Variants in MFAP1 observed in about 807,000 individuals in gnomAD.
MFAP1 encodes microfibrillar-associated protein 1.
MFAP1 carries 18 observed loss-of-function variants against 62.2 expected under a neutral mutation model. The observed-to-expected ratio is 0.29, with a 90% CI of 0.20 to 0.43. MFAP1 has a LOEUF of 0.43. Among genes scored for constraint, MFAP1 ranks in the 20% least tolerant of loss-of-function variants. The pLI is 1.00. For synonymous variants in MFAP1, 175 were observed against 180.4 expected, an observed-to-expected ratio of 0.97 and a Z score of 0.24; for missense variants, 355 against 559.7, an observed-to-expected ratio of 0.63 and a Z score of 3.69.
chr15:43,804,576 T>C lies in MFAP1; in HGVS notation c.*518A>G, dbSNP rs943108932. 18 of 152,300 alleles carry C rather than the reference T, an allele frequency of 1.2e-4. No homozygotes were observed. The highest frequency in any genetic ancestry group is 4.1e-4 in the African/African-American group (17 of 41,468). The allele number at this position is 152,300 out of a possible 1,614,324, so 9.4% of individuals were successfully genotyped here. A position where few individuals can be genotyped will look rare whatever the true frequency, so the allele number is the denominator to read the frequency against. On this transcript the variant is annotated 3_prime_UTR_variant, in exon 9 of 9. Coordinates refer to ENST00000267812, the MANE Select transcript of MFAP1 (RefSeq NM_005926.3). ...TTTATTTCCAGTATCATGCTAAAAA[T>C]CTCCTTGTTGTGTGATTCTTTTATT...
In MFAP1 at chr15:43,824,488, T is replaced by C. The variant is rs2087486809; in HGVS notation, c.79+3A>G. On this transcript the variant is annotated splice_donor_region_variant and intron_variant, in intron 1 of 8. Transcript: ENST00000267812. ...GACTGGGAAGAGGGTGTTAGCACCG[T>C]ACCTTTCTCATTGCGAACTGGGACG... The C allele has an allele frequency of 6.2e-7, 1 of 1,614,044 alleles. No individual in the cohort carries two copies. The highest frequency in any genetic ancestry group is 8.5e-7 in the Non-Finnish European group (1 of 1,180,032).
intron 1 of MFAP1, among the ~76,000 whole-genome samples, chr15:43,820,136 G>C (rs1468247042): frequency 6.6e-6 from 1 of 152,044 alleles, no homozygotes; most frequent in African/African-American, 2.4e-5. Flanking sequence ...AAGAGAGCGA[G>C]ACTCCGTCTC....
At chr15:43,819,009 T>A (rs1230241693) in intron 1 of MFAP1, among the ~76,000 whole-genome samples, 2 of 152,184 alleles carry the variant, frequency 1.3e-5, no homozygotes, top group African/African-American at 4.8e-5. Flanking sequence ...CTGCCCAACA[T>A]GGCAAAACTC....
At chr15:43,813,443 C>G (rs556806390) in intron 4 of MFAP1, 86 bp from the exon 5 acceptor site, 580 of 1,210,772 alleles carry the variant, frequency 4.8e-4, no homozygotes, top group Non-Finnish European at 6.0e-4. Context: ...CCAAATCAGA[C>G]AAAAACCAAA....
chr15:43,808,893 A>G (rs564331302), intron 7 of MFAP1, among the ~76,000 whole-genome samples: 2 of 152,322 alleles, frequency 1.3e-5, no homozygotes, highest in Admixed American at 6.5e-5. Context: ...GGGTTAACAG[A>G]TTGCTATTTT....
chr15:43,822,708 T>C (rs553547487), intron 1 of MFAP1, among the ~76,000 whole-genome samples: 80 of 152,194 alleles, frequency 5.3e-4, no homozygotes, highest in South Asian at 3.5e-3. Context: ...ATCTGTTGCT[T>C]AGGTTGGAGT....
chr15:43,811,810 G>A (rs543928697), intron 6 of MFAP1, among the ~76,000 whole-genome samples: 4 of 152,092 alleles, frequency 2.6e-5, no homozygotes, highest in African/African-American at 7.2e-5. Context: ...GCCCAGCCTA[G>A]AGTTATCTAT....
chr15:43,807,390 C>T (rs980419289), intron 7 of MFAP1, among the ~76,000 whole-genome samples: 3 of 151,022 alleles, frequency 2.0e-5, no homozygotes, highest in African/African-American at 4.9e-5. Flanking sequence ...ACTCTGTCGC[C>T]CAGGCTAGAG....
intron 2 of MFAP1, among the ~76,000 whole-genome samples, chr15:43,816,859 T>A (rs1424235178): frequency 6.6e-6 from 1 of 152,238 alleles, no homozygotes; most frequent in East Asian, 1.9e-4. Context: ...TAAGTAGATG[T>A]ATAAAATCAA....
intron 3 of MFAP1, 31 bp from the exon 4 acceptor site, chr15:43,814,719 C>G (rs762143516): frequency 1.9e-6 from 3 of 1,606,732 alleles, no homozygotes; most frequent in East Asian, 4.5e-5. Context: ...GCCAGTCAGT[C>G]AAATGGCCTA....
intron 4 of MFAP1, 151 bp from the exon 5 acceptor site, chr15:43,813,508 C>A: frequency 3.6e-5 from 9 of 248,656 alleles, no homozygotes; most frequent in Non-Finnish European, 5.5e-5. Flanking sequence ...CATCCCAGGT[C>A]TTTTTTTTTT....
chr15:43,815,674 C>A (rs1258933909), intron 2 of MFAP1, among the ~76,000 whole-genome samples: 1 of 151,930 alleles, frequency 6.6e-6, no homozygotes, highest in Non-Finnish European at 1.5e-5. Context: ...ACTCTGTCAC[C>A]CAGGCTGAAG....
intron 1 of MFAP1, among the ~76,000 whole-genome samples, chr15:43,818,761 C>T (rs756636486): frequency 6.6e-6 from 1 of 152,008 alleles, no homozygotes; most frequent in Non-Finnish European, 1.5e-5. Context: ...GTGGTATATG[C>T]CTGTGGTCCC....
intron 1 of MFAP1, among the ~76,000 whole-genome samples, chr15:43,824,026 T>G (rs893295590): frequency 6.6e-6 from 1 of 151,972 alleles, no homozygotes; most frequent in Non-Finnish European, 1.5e-5. Context: ...TATTCTGATA[T>G]ATACTTAAGT....
intron 3 of MFAP1, 52 bp downstream of exon 3, chr15:43,814,893 A>G: frequency 1.2e-6 from 2 of 1,606,886 alleles, no homozygotes; most frequent in Non-Finnish European, 1.7e-6. Context: ...GAGCACTGGC[A>G]TGAACTTTTT....
rs202057440 is a variant in MFAP1, at chr15:43,817,251, T to C, written c.277A>G (p.Ile93Val). The C allele has an allele frequency of 4.2e-5, 67 of 1,613,864 alleles. No homozygotes were observed. Among genetic ancestry groups the C allele is most frequent in the African/African-American group, 2.9e-4 (22 of 75,042 alleles). ...DPRLRRLQNR[I>V]SEDVEERLAR... Reference sequence around the variant, plus strand: ...TACCTCTCTTCCACATCTTCACTAATACGGTTCTGTAAACGCCGTAGCCGG... The same window carrying C: ...TACCTCTCTTCCACATCTTCACTAACACGGTTCTGTAAACGCCGTAGCCGG... Residue 93 changes from isoleucine (I) to valine (V), a missense_variant, in exon 2 of 9, where the codon ATT becomes GTT. Around this residue, in one of 6 missense-constraint regions of MFAP1, gnomAD observed 257 missense variants for 341.3 expected, o/e 0.75. Coordinates refer to ENST00000267812, the MANE Select transcript of MFAP1 (RefSeq NM_005926.3).
Position 43,815,226 on chromosome 15 carries a change from C to A in MFAP1, c.300-152G>T, listed in dbSNP as rs1596057451. On this transcript the variant is annotated intron_variant, in intron 2 of 8. Coordinates refer to ENST00000267812, the MANE Select transcript of MFAP1 (RefSeq NM_005926.3). ...GCAGGGTCTTGCTCTGTCGCCCAGG[C>A]TGCAGTGCAGTGGTGCGATCTTGGC... 10 of 972,476 alleles carry A rather than the reference C, an allele frequency of 1.0e-5. No individual in the cohort carries two copies. In the East Asian group the frequency reaches 2.8e-4, roughly 27 times the overall value. The allele number at this position is 972,476 out of a possible 1,614,324, so 60.2% of individuals were successfully genotyped here. A position where few individuals can be genotyped will look rare whatever the true frequency, so the allele number is the denominator to read the frequency against.
At chr15:43,817,151 C>A in intron 2 of MFAP1, 78 bp downstream of exon 2, 1 of 1,338,418 alleles carries the variant, frequency 7.5e-7, no homozygotes, top group Non-Finnish European at 1.1e-6. Context: ...CTTGGTAGTA[C>A]TATTCAAGTA....
At chr15:43,818,468 G>GT (rs2087448158) in intron 1 of MFAP1, among the ~76,000 whole-genome samples, 1 of 140,870 alleles carries the variant, frequency 7.1e-6, no homozygotes, top group South Asian at 2.2e-4. Flanking sequence ...ACTAAATAAC[G>GT]TAAGAGCAAA....
Sources: gnomAD v4.1 joint callset for allele counts (sites outside exome capture counted in the v4.1 genomes callset) on GRCh38, gnomAD v4.1.1 for gene constraint, gnomAD v4.1.1 regional missense constraint, MANE v1.5 for transcripts, NCBI Gene and HGNC (gene_info 2026-07-23, HGNC 2026-07-21) for gene names.